Variants in AKAP13 observed in about 807,000 individuals in gnomAD.
AKAP13 encodes the protein A-kinase anchoring protein 13, also known as A-kinase anchor protein 13.
A neutral mutation model predicts 264.5 loss-of-function variants in AKAP13; 80 were observed. The ratio of observed to expected loss-of-function variants is 0.30; its 90% CI spans 0.25 to 0.36. AKAP13 has a LOEUF of 0.36. Ranked by LOEUF, AKAP13 falls within the 10% of genes least tolerant of loss-of-function variation. The pLI, the probability that AKAP13 is intolerant of heterozygous loss-of-function variation, is 1.00. For missense variants in AKAP13, 3,712 were observed against 3,435.2 expected, an observed-to-expected ratio of 1.08 and a Z score of -2.01; for synonymous variants, 1,380 against 1,250.2, an observed-to-expected ratio of 1.10 and a Z score of -2.19.
At chr15:85,384,357 C>G (rs2070443417) in intron 1 of AKAP13, among the ~76,000 whole-genome samples, 2 of 152,204 alleles carry the variant, frequency 1.3e-5, no homozygotes, top group South Asian at 4.1e-4. Context: ...TTCCCTCTCT[C>G]TTTCCCAGGT....
chr15:85,715,810 T>G lies in AKAP13; in HGVS notation c.5622T>G (p.Pro1874=). The G allele has an allele frequency of 6.2e-7, 1 of 1,612,460 alleles. No individual in the cohort carries two copies. The highest frequency in any genetic ancestry group is 8.5e-7 in the Non-Finnish European group (1 of 1,179,666). ...CAGCCTCACAGCCCAAGGAGCGTCC[T>G]CGGTCCGCAGTCCTCCTGGTGGATG... The part of the protein sequence containing the change: ...RNKPSQPKER[P]RSAVLLVDET... The change falls in exon 20 of 37, where the codon CCT becomes CCG. Residue 1874 remains proline (P), a synonymous_variant. Coordinates refer to ENST00000394518, the MANE Select transcript of AKAP13 (RefSeq NM_007200.5).
At chr15:85,728,965 T>C (rs549136991) in intron 29 of AKAP13, among the ~76,000 whole-genome samples, 1 of 152,070 alleles carries the variant, frequency 6.6e-6, no homozygotes, top group South Asian at 2.1e-4. Context: ...TAAGTGAGAA[T>C]GAGCTGGAGA....
At chr15:85,670,722 A>G (rs966384031) in intron 14 of AKAP13, 10 of 152,018 alleles carry the variant, frequency 6.6e-5, no homozygotes, top group Admixed American at 1.3e-4. Context: ...CAACAATGTC[A>G]AGCTCAAGAA....
intron 8 of AKAP13, among the ~76,000 whole-genome samples, chr15:85,596,703 TTTCTC>T (rs1249177468): frequency 6.6e-6 from 1 of 152,230 alleles, no homozygotes; most frequent in Non-Finnish European, 1.5e-5. Flanking sequence ...TTGCAAAAGA[TTTCTC>T]TAACAGTTTG....
intron 11 of AKAP13, among the ~76,000 whole-genome samples, chr15:85,656,977 C>G (rs1480897553): frequency 6.6e-6 from 1 of 152,002 alleles, no homozygotes; most frequent in Non-Finnish European, 1.5e-5. Context: ...ATAGGAGACC[C>G]CATCTCTACA....
intron 7 of AKAP13, chr15:85,582,917 G>A (rs553635007): frequency 3.0e-6 from 3 of 985,454 alleles, no homozygotes; most frequent in East Asian, 2.3e-4. Flanking sequence ...TGCTCACACA[G>A]CAGCCTGTTC....
At chr15:85,468,148 GTA>G (rs1196505493) in intron 1 of AKAP13, among the ~76,000 whole-genome samples, 1 of 152,146 alleles carries the variant, frequency 6.6e-6, no homozygotes, top group Non-Finnish European at 1.5e-5. Flanking sequence ...AACTTTTGAG[GTA>G]TTCTATGAAG....
intron 2 of AKAP13, among the ~76,000 whole-genome samples, chr15:85,504,850 T>A (rs960809804): frequency 6.6e-5 from 10 of 152,020 alleles, no homozygotes; most frequent in African/African-American, 2.4e-4. Context: ...GTAGAGACAC[T>A]CTCGCTTGCT....
intron 21 of AKAP13, 113 bp from the exon 22 acceptor site, chr15:85,717,894 C>A: frequency 1.0e-6 from 1 of 998,314 alleles, no homozygotes; most frequent in Non-Finnish European, 1.5e-6. Flanking sequence ...CTGTGAATAT[C>A]CCCTGTATTC....
intron 2 of AKAP13, among the ~76,000 whole-genome samples, chr15:85,496,345 T>A (rs1219740789): frequency 6.6e-6 from 1 of 152,172 alleles, no homozygotes; most frequent in African/African-American, 2.4e-5. Context: ...TCAGCCTCCG[T>A]GAAGACTTGG....
intron 1 of AKAP13, among the ~76,000 whole-genome samples, chr15:85,414,878 G>A (rs982512627): frequency 6.6e-6 from 1 of 152,200 alleles, no homozygotes; most frequent in Non-Finnish European, 1.5e-5. Context: ...AAATGGTCTG[G>A]GAGGAGGGTT....
chr15:85,497,926 A>C (rs1486948032), intron 2 of AKAP13, among the ~76,000 whole-genome samples: 3 of 152,110 alleles, frequency 2.0e-5, no homozygotes, highest in African/African-American at 4.8e-5. Flanking sequence ...TCAAGTAGGT[A>C]GGCCTATCAC....
At chr15:85,691,603 T>G (rs2085290903) in intron 16 of AKAP13, among the ~76,000 whole-genome samples, 1 of 152,228 alleles carries the variant, frequency 6.6e-6, no homozygotes. Context: ...CCTGCAGTAT[T>G]CTTAAGGTGA....
At chr15:85,650,823 C>CTG (rs2082800314) in intron 10 of AKAP13, among the ~76,000 whole-genome samples, 2 of 132,262 alleles carry the variant, frequency 1.5e-5, no homozygotes, top group South Asian at 5.0e-4. Context: ...TGCACAAGTG[C>CTG]TGAAATTATT....
rs534618745 is a variant in AKAP13, at chr15:85,406,881, C to T, written c.-12+26083C>T. Among the ~76,000 whole-genome samples the T allele has an allele frequency of 1.1e-4, 16 of 151,644 alleles. 1 individual carries two copies. The highest frequency in any genetic ancestry group is 3.9e-4 in the African/African-American group (16 of 40,998). On this transcript the variant is annotated intron_variant, in intron 1 of 36. Transcript: ENST00000394518. ...CTATTTTGAAATTCCTTTCAGCAGACAATATGAGACAGCATATTATGGGCT... is the reference window on the plus strand; with the variant it reads ...CTATTTTGAAATTCCTTTCAGCAGATAATATGAGACAGCATATTATGGGCT...
At chr15:85,502,438 A>G (rs2151094145) in intron 2 of AKAP13, among the ~76,000 whole-genome samples, 2 of 152,368 alleles carry the variant, frequency 1.3e-5, no homozygotes, top group Middle Eastern at 6.8e-3. Flanking sequence ...TCCTACATGT[A>G]AAAATCTTAA....
At position 85,565,539 on chromosome 15, in the gene AKAP13, C is replaced by T. The variant is rs145424063; in HGVS notation, c.663-9592C>T. Reference sequence around the variant, plus strand: ...CTTTATGGCAGAAACACAAGGCTGACGGACAACTTAATTACCAACTGTAGA... The same window carrying T: ...CTTTATGGCAGAAACACAAGGCTGATGGACAACTTAATTACCAACTGTAGA... On this transcript the variant is annotated intron_variant, in intron 5 of 36. Transcript: ENST00000394518. 2.4e-3 allele frequency among the ~76,000 whole-genome samples: 358 copies of T among 152,242 alleles called. 3 individuals are homozygous for T. Among genetic ancestry groups the T allele is most frequent in the African/African-American group, 8.0e-3 (334 of 41,532 alleles).
rs530128742 is a variant in AKAP13 at position 85,562,852 on chromosome 15, C to T, written c.663-12279C>T. Among the ~76,000 whole-genome samples, 7 of 134,424 alleles carry T rather than the reference C, an allele frequency of 5.2e-5. 1 individual carries two copies. Among genetic ancestry groups the T allele is most frequent in the South Asian group, 5.3e-4 (2 of 3,794 alleles). The allele number at this position is 134,424 out of a possible 152,430, so 88.2% of individuals were successfully genotyped here. A position where few individuals can be genotyped will look rare whatever the true frequency, so the allele number is the denominator to read the frequency against. On this transcript the variant is annotated intron_variant, in intron 5 of 36. Coordinates refer to ENST00000394518, the MANE Select transcript of AKAP13 (RefSeq NM_007200.5). ...CTGGGATTACAGGCATGCGCCACCA[C>T]GCCCAGCAGGTTTTTTTTGTTTTTT...
intron 1 of AKAP13, among the ~76,000 whole-genome samples, chr15:85,399,209 G>C (rs1327327551): frequency 6.6e-6 from 1 of 151,950 alleles, no homozygotes; most frequent in African/African-American, 2.4e-5. Context: ...TAAAGTTTTA[G>C]ATGCAGGCCG....
Sources: allele counts gnomAD v4.1 joint callset (sites outside exome capture counted in the v4.1 genomes callset), GRCh38; gene constraint gnomAD v4.1.1; transcripts MANE v1.5; gene names NCBI Gene and HGNC (gene_info 2026-07-23, HGNC 2026-07-21).